Variants in TRMT11 observed in about 807,000 individuals in gnomAD.
The protein encoded by TRMT11 is tRNA methyltransferase 11.
In TRMT11, 53 loss-of-function variants were observed where a neutral mutation model predicts 62.8. The ratio of observed to expected loss-of-function variants is 0.84; its 90% CI spans 0.68 to 1.06. The LOEUF is 1.06. TRMT11 is among the 50% of genes least tolerant of loss of function. The probability of loss-of-function intolerance (pLI) is 0.00; values close to 1 mark genes in which losing one functional copy is unlikely to be tolerated. For missense variants in TRMT11, 556 were observed against 553.4 expected (o/e 1.00, Z -0.05); for synonymous variants, 188 against 190.3 (o/e 0.99, Z 0.10).
intron 21 of TRMT11, among the ~76,000 whole-genome samples, chr6:126,133,145 A>C (rs1318354605): frequency 2.0e-5 from 3 of 152,014 alleles, no homozygotes; most frequent in Non-Finnish European, 4.4e-5. Flanking sequence ...AAAATTGAGA[A>C]TGTACAAGGT....
At chr6:126,151,923 C>CTTTCTTTCTTTCTTTCTT (rs1778059370) in intron 21 of TRMT11, among the ~76,000 whole-genome samples, 1 of 88,768 alleles carries the variant, frequency 1.1e-5, no homozygotes, top group African/African-American at 5.8e-5. Context: ...TTCTTTCTTT[C>CTTTCTTTCTTTCTTTCTT]TTTCTTTCTT....
intron 1 of TRMT11, among the ~76,000 whole-genome samples, chr6:126,179,535 T>C (rs1472084394): frequency 2.0e-5 from 3 of 152,194 alleles, no homozygotes; most frequent in African/African-American, 4.8e-5. Context: ...AAAGTTTTTT[T>C]TCTACTTTTC....
intron 2 of TRMT11, 122 bp downstream of exon 2, chr6:125,993,944 C>T (rs1212571255): frequency 1.9e-6 from 1 of 540,188 alleles, no homozygotes; most frequent in African/African-American, 2.0e-5. Flanking sequence ...TTTCAAGAGG[C>T]AGTGGAATAA....
chr6:126,059,463 C>G (rs1012366575), intron 17 of TRMT11, among the ~76,000 whole-genome samples: 2 of 152,106 alleles, frequency 1.3e-5, no homozygotes, highest in Non-Finnish European at 2.9e-5. Flanking sequence ...GCATGACCAG[C>G]AAGAAAAGCA....
chr6:126,003,756 G>A (rs1792907360), intron 7 of TRMT11, among the ~76,000 whole-genome samples: 1 of 151,780 alleles, frequency 6.6e-6, no homozygotes, highest in Non-Finnish European at 1.5e-5. Flanking sequence ...AAGGTCCTTT[G>A]TAAGCTTGAG....
chr6:125,998,193 A>C, intron 4 of TRMT11, 30 bp from the exon 5 acceptor site: 3 of 1,593,806 alleles, frequency 1.9e-6, no homozygotes, highest in Non-Finnish European at 2.6e-6. Context: ...GAATTAAAAT[A>C]CTCAAAAAAC....
At chr6:126,269,707 A>G in the TRMT11 span, among the ~76,000 whole-genome samples, 1 of 152,236 alleles carries the variant, frequency 6.6e-6, no homozygotes, top group Non-Finnish European at 1.5e-5. Flanking sequence ...AGAATACAAT[A>G]CAGTTGTCAA....
intron 21 of TRMT11, among the ~76,000 whole-genome samples, chr6:126,120,680 G>T (rs1442579831): frequency 6.6e-6 from 1 of 152,106 alleles, no homozygotes; most frequent in Admixed American, 6.6e-5. Context: ...TAGTATTGTA[G>T]TTCTCTATTG....
the TRMT11 span, among the ~76,000 whole-genome samples, chr6:126,249,534 G>T: frequency 6.6e-6 from 1 of 152,104 alleles, no homozygotes; most frequent in Non-Finnish European, 1.5e-5. Flanking sequence ...GCTATAAGAA[G>T]ACAAGTGTTA....
chr6:126,009,703 A>G (rs928121725), intron 8 of TRMT11, among the ~76,000 whole-genome samples: 1 of 152,072 alleles, frequency 6.6e-6, no homozygotes, highest in East Asian at 1.9e-4. Context: ...TATTAGGTGT[A>G]TATAAATGGG....
At chr6:126,006,467 T>C (rs1441842549) in intron 7 of TRMT11, among the ~76,000 whole-genome samples, 1 of 152,002 alleles carries the variant, frequency 6.6e-6, no homozygotes, top group Non-Finnish European at 1.5e-5. Context: ...CTTAAAGTGC[T>C]TACTATTTAA....
intron 16 of TRMT11, among the ~76,000 whole-genome samples, chr6:126,047,624 G>A (rs1393215819): frequency 1.3e-5 from 2 of 152,122 alleles, no homozygotes; most frequent in Non-Finnish European, 2.9e-5. Context: ...ACTCTCCACT[G>A]AGCTGGTTTA....
the TRMT11 span, among the ~76,000 whole-genome samples, chr6:126,242,040 G>A: frequency 9.2e-5 from 14 of 152,100 alleles, no homozygotes; most frequent in Admixed American, 2.0e-4. Context: ...AAACCCCATC[G>A]TCTCAGCCCA....
chr6:126,169,286 AT>A (rs983043368), intron 21 of TRMT11, among the ~76,000 whole-genome samples: 3 of 151,550 alleles, frequency 2.0e-5, no homozygotes, highest in South Asian at 2.1e-4. Context: ...CTTCTGCAAT[AT>A]TTTTTTTTCT....
At chr6:126,075,071 A>G (rs1004533956) in intron 17 of TRMT11, among the ~76,000 whole-genome samples, 1 of 152,166 alleles carries the variant, frequency 6.6e-6, no homozygotes, top group Non-Finnish European at 1.5e-5. Flanking sequence ...CAGGGTGTCG[A>G]GTTTCTGCTA....
chr6:126,085,298 G>T (rs929386213), intron 17 of TRMT11, among the ~76,000 whole-genome samples: 1 of 152,090 alleles, frequency 6.6e-6, no homozygotes, highest in African/African-American at 2.4e-5. Context: ...CATTCTGCTA[G>T]GGCAGGGATC....
chr6:126,113,818 C>A (rs913990708), intron 18 of TRMT11, among the ~76,000 whole-genome samples: 1 of 152,052 alleles, frequency 6.6e-6, no homozygotes, highest in Non-Finnish European at 1.5e-5. Context: ...TTAGGCCCAC[C>A]TCACACCTAT....
rs576066336 is a variant in TRMT11 at position 126,005,026 on chromosome 6, G to A, written c.680-3366G>A. Reference sequence around the variant, plus strand: ...GTCTCCACTTTCCCAAAGGGGAAGAGACATAGCATTGTGTCATCTCTTAGT... The same window carrying A: ...GTCTCCACTTTCCCAAAGGGGAAGAAACATAGCATTGTGTCATCTCTTAGT... On this transcript the variant is annotated intron_variant, in intron 7 of 12. Coordinates refer to ENST00000334379, the MANE Select transcript of TRMT11 (RefSeq NM_001031712.3). 2.6e-5 allele frequency among the ~76,000 whole-genome samples: 4 copies of A among 152,144 alleles called. No homozygotes were observed. In the East Asian group the frequency reaches 7.7e-4, roughly 29 times the overall value.
At chr6:126,016,447 T>A (rs533931926) in intron 11 of TRMT11, among the ~76,000 whole-genome samples, 62 of 152,318 alleles carry the variant, frequency 4.1e-4, no homozygotes, top group Non-Finnish European at 7.2e-4. Flanking sequence ...TGTTCACTGT[T>A]TTGCAGTTTA....
Sources: gnomAD v4.1 joint callset for allele counts (sites outside exome capture counted in the v4.1 genomes callset) on GRCh38, gnomAD v4.1.1 for gene constraint, MANE v1.5 for transcripts, NCBI Gene and HGNC (gene_info 2026-07-23, HGNC 2026-07-21) for gene names.